The following NDE1 variants were observed in gnomAD, a reference collection of about 807,000 sequenced individuals.
NDE1 encodes the protein nuclear distribution protein nudE homolog 1.
A neutral mutation model predicts 43.4 loss-of-function variants in NDE1; 28 were observed. The ratio of observed to expected loss-of-function variants is 0.65; its 90% CI spans 0.48 to 0.89. NDE1 has a LOEUF of 0.89. NDE1 is among the 40% of genes least tolerant of loss of function. The pLI, the probability that NDE1 is intolerant of heterozygous loss-of-function variation, is 0.00. For synonymous variants in NDE1, 184 were observed against 172.0 expected, an observed-to-expected ratio of 1.07 and a Z score of -0.55; for missense variants, 441 against 434.1, an observed-to-expected ratio of 1.02 and a Z score of -0.14.
intron 8 of NDE1, among the ~76,000 whole-genome samples, chr16:15,715,798 C>T (rs2040097469): frequency 6.6e-6 from 1 of 152,058 alleles, no homozygotes; most frequent in African/African-American, 2.4e-5. Flanking sequence ...AGGCGTACAC[C>T]AGCATGCTCA....
At chr16:15,702,184 A>G (rs899860204) in intron 8 of NDE1, 4 of 152,214 alleles carry the variant, frequency 2.6e-5, no homozygotes, top group Admixed American at 6.5e-5. Flanking sequence ...AGTTGGTGGT[A>G]TACGGCATCG....
intron 8 of NDE1, among the ~76,000 whole-genome samples, chr16:15,723,457 G>C (rs914183384): frequency 6.6e-6 from 1 of 152,110 alleles, no homozygotes; most frequent in Non-Finnish European, 1.5e-5. Flanking sequence ...GACCAGCCTG[G>C]ACAACATGGC....
At chr16:15,666,480 G>A (rs1016576356) in intron 2 of NDE1, among the ~76,000 whole-genome samples, 2 of 152,106 alleles carry the variant, frequency 1.3e-5, no homozygotes, top group African/African-American at 2.4e-5. Context: ...ATGGTGGCAT[G>A]TTCTTATAGT....
chr16:15,654,520 G>GA (rs2036659036), intron 1 of NDE1, among the ~76,000 whole-genome samples: 1 of 140,878 alleles, frequency 7.1e-6, no homozygotes, highest in South Asian at 2.4e-4. Flanking sequence ...AGAATCGCTT[G>GA]AAGCTGCGAG....
rs1365916121 is a variant in NDE1 at position 15,708,813 on chromosome 16, A to T, written c.947+11953A>T. 2 of 1,608,746 alleles carry T rather than the reference A, an allele frequency of 1.2e-6. No individual in the cohort carries two copies. The highest frequency in any genetic ancestry group is 1.3e-5 in the African/African-American group (1 of 74,900). The stretch of plus-strand genomic sequence containing the variant: ...CTGAAGGCATGATACCTGGTGCATC[A>T]CTGCGAAGTTTCCTGTGGGGGGGGC... On this transcript the variant is annotated intron_variant, in intron 8 of 8. Coordinates refer to ENST00000396354, the MANE Select transcript of NDE1 (RefSeq NM_017668.3).
At chr16:15,723,140 G>C (rs913264889) in intron 8 of NDE1, among the ~76,000 whole-genome samples, 10 of 152,136 alleles carry the variant, frequency 6.6e-5, no homozygotes, top group African/African-American at 2.2e-4. Context: ...TTAGGGGTTT[G>C]GGTCATACAG....
At chr16:15,717,645 A>G (rs1230984661) in intron 8 of NDE1, 2 of 477,314 alleles carry the variant, frequency 4.2e-6, no homozygotes, top group African/African-American at 3.9e-5. Flanking sequence ...AAATACAAAA[A>G]TTAGCCGGGC....
chr16:15,693,500 G>A (rs548392153), intron 6 of NDE1, among the ~76,000 whole-genome samples: 1 of 152,226 alleles, frequency 6.6e-6, no homozygotes, highest in East Asian at 1.9e-4. Context: ...TTTTGGGTTT[G>A]TTTAAAAAGA....
Position 15,691,278 on chromosome 16 carries a change from C to T in NDE1, c.658C>T (p.Arg220Ter), listed in dbSNP as rs576928842. The change falls in exon 6 of 9, where the codon CGA becomes TGA. Residue 220 changes from arginine to a stop codon, truncating the protein, a stop_gained. Transcript: ENST00000396354. LOFTEE classifies it high-confidence loss of function. ...CGTGCCGTCCACGCCCATTGCTCAC[C>T]GAGGACCCAGCTCAAGTTTAAACAC... is the stretch of plus-strand genomic sequence containing the variant. ...GSVPSTPIAH[R>*]GPSSSLNTPG... 3.7e-6 allele frequency: 6 copies of T among 1,613,990 alleles called. No homozygotes were observed. Among genetic ancestry groups the T allele is most frequent in the African/African-American group, 1.3e-5 (1 of 74,922 alleles).
intron 7 of NDE1, among the ~76,000 whole-genome samples, chr16:15,696,468 G>A (rs547640727): frequency 1.3e-5 from 2 of 152,084 alleles, no homozygotes; most frequent in East Asian, 3.9e-4. Context: ...CTCCTGCCTT[G>A]GCCTCCCAGA....
intron 1 of NDE1, among the ~76,000 whole-genome samples, chr16:15,653,813 C>T (rs758398915): frequency 6.6e-6 from 1 of 151,714 alleles, no homozygotes; most frequent in Non-Finnish European, 1.5e-5. Context: ...CTGCAACCAC[C>T]GCCTCCCATG....
rs1416934930 is a variant in NDE1 at position 15,720,229 on chromosome 16, G to A, written c.948-3962G>A. The A allele has an allele frequency of 6.2e-7, 1 of 1,614,056 alleles. No homozygotes were observed. The highest frequency in any genetic ancestry group is 1.7e-5 in the Admixed American group (1 of 59,994). Reference sequence around the variant, plus strand: ...CGGCCTGAAGCTCCAGGTCTTTCAGGTCCCCTTCCAGCTTCTTCTTTGCTG... The same window carrying A: ...CGGCCTGAAGCTCCAGGTCTTTCAGATCCCCTTCCAGCTTCTTCTTTGCTG... On this transcript the variant is annotated intron_variant, in intron 8 of 8. Coordinates refer to ENST00000396354, the MANE Select transcript of NDE1 (RefSeq NM_017668.3).
chr16:15,689,122 T>C (rs2038599160), intron 5 of NDE1, among the ~76,000 whole-genome samples: 1 of 152,158 alleles, frequency 6.6e-6, no homozygotes, highest in African/African-American at 2.4e-5. Context: ...ATGAAGTGGT[T>C]AAATGAAGTA....
chr16:15,668,939 G>A (rs2037451130), intron 3 of NDE1, among the ~76,000 whole-genome samples: 1 of 152,106 alleles, frequency 6.6e-6, no homozygotes, highest in Non-Finnish European at 1.5e-5. Flanking sequence ...TTGCTCTGTT[G>A]CCCAGGCTGG....
In NDE1 at chr16:15,720,146, C is replaced by T; in HGVS notation, c.948-4045C>T. 6.2e-7 allele frequency: 1 copy of T among 1,614,142 alleles called. No individual in the cohort carries two copies. Among genetic ancestry groups the T allele is most frequent in the Non-Finnish European group, 8.5e-7 (1 of 1,180,036 alleles). On this transcript the variant is annotated intron_variant, in intron 8 of 8. Coordinates refer to ENST00000396354, the MANE Select transcript of NDE1 (RefSeq NM_017668.3). The stretch of plus-strand genomic sequence containing the variant: ...CCCATGCCCCAAGCTCCTAGTGTCA[C>T]CCACCTGCAGTTTGCGTAGCTGCTT...
At chr16:15,696,566 A>G in intron 7 of NDE1, 143 bp from the exon 8 acceptor site, 1 of 1,481,250 alleles carries the variant, frequency 6.8e-7, no homozygotes, top group East Asian at 2.4e-5. Context: ...TATACGTTGG[A>G]TTCCTCTTGG....
chr16:15,722,805 A>G (rs1442337084), intron 8 of NDE1, among the ~76,000 whole-genome samples: 1 of 152,166 alleles, frequency 6.6e-6, no homozygotes, highest in East Asian at 1.9e-4. Flanking sequence ...TAGTGGCGCA[A>G]TCTTGGCTCA....
At chr16:15,695,004 C>T (rs914917719) in intron 7 of NDE1, 40 of 741,172 alleles carry the variant, frequency 5.4e-5, no homozygotes, top group Non-Finnish European at 6.6e-5. Context: ...AACCCCCTGC[C>T]CCGACTTGGC....
rs1252953516 is a variant in NDE1, at chr16:15,654,616, AC to A, written c.-44+4323del. On this transcript the variant is annotated intron_variant, in intron 1 of 8. Coordinates refer to ENST00000396354, the MANE Select transcript of NDE1 (RefSeq NM_017668.3). ...AGATTCCGACTCAAAAAAAAAAAAAACAAAAAAAAAAAAAACAAAACTGGAC... is the reference window on the plus strand; with the variant it reads ...AGATTCCGACTCAAAAAAAAAAAAAAAAAAAAAAAAAAAACAAAACTGGAC... Among the ~76,000 whole-genome samples the A allele has an allele frequency of 1.3e-3, 155 of 119,928 alleles. 1 individual carries two copies. The highest frequency in any genetic ancestry group is 1.7e-3 in the Non-Finnish European group (102 of 59,758). 78.7% of individuals were successfully genotyped at this position (119,928 alleles called of 152,430 possible). A position where few individuals can be genotyped will look rare whatever the true frequency, so the allele number is the denominator to read the frequency against.
Sources: allele counts gnomAD v4.1 joint callset (sites outside exome capture counted in the v4.1 genomes callset), GRCh38; gene constraint gnomAD v4.1.1; transcripts MANE v1.5; gene names NCBI Gene and HGNC (gene_info 2026-07-23, HGNC 2026-07-21).